MTHFS: variants seen among roughly 807,000 people sequenced by gnomAD.
The protein encoded by MTHFS is 5-formyltetrahydrofolate cyclo-ligase.
In MTHFS, 7 loss-of-function variants were observed where a neutral mutation model predicts 12.7. That is an observed-to-expected ratio of 0.55 (90% CI 0.31 to 1.03). The LOEUF (loss-of-function observed/expected upper bound fraction) is 1.03, where lower values mean the gene tolerates loss of function less well. MTHFS is among the 50% of genes least tolerant of loss of function. The pLI is 0.05. For missense variants in MTHFS, 252 were observed against 258.1 expected (o/e 0.98, Z 0.16); for synonymous variants, 100 against 97.1 (o/e 1.03, Z -0.18).
chr15:79,854,334 TG>T (rs2033763897), intron 2 of MTHFS, among the ~76,000 whole-genome samples: 1 of 152,174 alleles, frequency 6.6e-6, no homozygotes, highest in Non-Finnish European at 1.5e-5. Flanking sequence ...GGGGAAGGGC[TG>T]GGGAGGGCAT....
rs34987412 is a variant in MTHFS at position 79,878,861 on chromosome 15, C to CTT, written c.379+10230_379+10231dup. Among the ~76,000 whole-genome samples, 549 of 146,028 alleles carry CTT rather than the reference C, an allele frequency of 3.8e-3. 2 individuals are homozygous for CTT. The highest frequency in any genetic ancestry group is 7.2e-3 in the Middle Eastern group (2 of 278). On this transcript the variant is annotated intron_variant, in intron 2 of 2. Transcript: ENST00000258874. ...AGCCTAGCACAGGAAAGCTTATTCC[C>CTT]TTTTTTTTTTTCTTTCTTTCTTTAA...
At chr15:79,851,261 T>C (rs2033712584) in intron 2 of MTHFS, among the ~76,000 whole-genome samples, 1 of 152,232 alleles carries the variant, frequency 6.6e-6, no homozygotes. Context: ...ACTGTAAGAA[T>C]GCCTGTGGTC....
intron 1 of MTHFS, among the ~76,000 whole-genome samples, chr15:79,889,819 G>A (rs755291036): frequency 7.9e-5 from 12 of 152,218 alleles, no homozygotes; most frequent in Non-Finnish European, 1.6e-4. Flanking sequence ...AAAGCCCAAC[G>A]CAAGCCCTAA....
At chr15:79,896,100 G>GAC (rs1250418343) in intron 1 of MTHFS, among the ~76,000 whole-genome samples, 1 of 152,230 alleles carries the variant, frequency 6.6e-6, no homozygotes, top group Non-Finnish European at 1.5e-5. Context: ...TGAAAGTAAT[G>GAC]AAACAGAGGT....
intron 2 of MTHFS, among the ~76,000 whole-genome samples, chr15:79,849,852 T>C (rs748754723): frequency 6.6e-6 from 1 of 152,250 alleles, no homozygotes; most frequent in Non-Finnish European, 1.5e-5. Context: ...AATGTGATCT[T>C]GCATTCCAAA....
chr15:79,895,041 T>C (rs533050262), intron 1 of MTHFS, among the ~76,000 whole-genome samples: 1 of 152,282 alleles, frequency 6.6e-6, no homozygotes, highest in East Asian at 1.9e-4. Context: ...TCTGAATACA[T>C]CCCTTTACAC....
chr15:79,884,361 T>G (rs947491388), intron 2 of MTHFS, among the ~76,000 whole-genome samples: 1 of 152,234 alleles, frequency 6.6e-6, no homozygotes, highest in Non-Finnish European at 1.5e-5. Context: ...TGTTTGGATT[T>G]CATCCAATGT....
At chr15:79,848,057 T>C (rs1401153454) in intron 2 of MTHFS, among the ~76,000 whole-genome samples, 1 of 152,216 alleles carries the variant, frequency 6.6e-6, no homozygotes, top group Non-Finnish European at 1.5e-5. Flanking sequence ...CACTCCCACG[T>C]TCATTGCACC....
intron 1 of MTHFS, among the ~76,000 whole-genome samples, chr15:79,893,859 G>A (rs946590445): frequency 1.3e-5 from 2 of 152,086 alleles, no homozygotes; most frequent in Non-Finnish European, 2.9e-5. Context: ...ACATAAACCT[G>A]AATTTCTTTA....
At chr15:79,897,250 T>C, upstream of MTHFS, 1 of 455,828 alleles carries the variant, frequency 2.2e-6, no homozygotes, top group Non-Finnish European at 3.8e-6. Context: ...CGAGGCGCCG[T>C]CGCTGCCCTG....
intron 2 of MTHFS, among the ~76,000 whole-genome samples, chr15:79,852,504 T>C (rs578088159): frequency 1.2e-4 from 19 of 152,354 alleles, no homozygotes; most frequent in African/African-American, 2.2e-4. Context: ...CTTTCTGCTA[T>C]GAATGGTCAC....
intron 2 of MTHFS, among the ~76,000 whole-genome samples, chr15:79,866,245 G>A (rs1351535527): frequency 6.6e-6 from 1 of 152,080 alleles, no homozygotes; most frequent in Non-Finnish European, 1.5e-5. Flanking sequence ...ATAACTATTT[G>A]AGTTCAACGG....
intron 1 of MTHFS, among the ~76,000 whole-genome samples, chr15:79,890,929 C>A (rs181894607): frequency 6.6e-6 from 1 of 152,196 alleles, no homozygotes; most frequent in African/African-American, 2.4e-5. Flanking sequence ...GCTCTCTTTA[C>A]AGCAGAATAT....
chr15:79,884,503 G>A (rs1395343923), intron 2 of MTHFS, among the ~76,000 whole-genome samples: 1 of 152,012 alleles, frequency 6.6e-6, no homozygotes, highest in Non-Finnish European at 1.5e-5. Flanking sequence ...AATATGGCCA[G>A]GAAACCAATT....
At chr15:79,848,509 C>A (rs770079715) in intron 2 of MTHFS, among the ~76,000 whole-genome samples, 19 of 149,728 alleles carry the variant, frequency 1.3e-4, no homozygotes, top group Admixed American at 1.2e-3. Flanking sequence ...TTATTTACCA[C>A]AATAAAAAAT....
chr15:79,862,829 C>T (rs1373098003), intron 2 of MTHFS, among the ~76,000 whole-genome samples: 1 of 152,170 alleles, frequency 6.6e-6, no homozygotes, highest in Non-Finnish European at 1.5e-5. Flanking sequence ...GCAAATTGAT[C>T]TTGGTCCATC....
At chr15:79,881,269 A>G (rs1356806310) in intron 2 of MTHFS, among the ~76,000 whole-genome samples, 1 of 152,254 alleles carries the variant, frequency 6.6e-6, no homozygotes, top group Non-Finnish European at 1.5e-5. Context: ...GTTCAATAGT[A>G]CATTCAATGA....
intron 2 of MTHFS, among the ~76,000 whole-genome samples, chr15:79,853,341 G>T (rs1372069575): frequency 6.6e-6 from 1 of 152,152 alleles, no homozygotes; most frequent in African/African-American, 2.4e-5. Flanking sequence ...GTCCTGCACA[G>T]CAGTTATCTG....
chr15:79,851,889 G>A (rs554438163), intron 2 of MTHFS, among the ~76,000 whole-genome samples: 1 of 152,290 alleles, frequency 6.6e-6, no homozygotes, highest in South Asian at 2.1e-4. Flanking sequence ...AAGTGTGTAG[G>A]ATTCTAGACA....
Sources: allele counts gnomAD v4.1 joint callset (sites outside exome capture counted in the v4.1 genomes callset), GRCh38; gene constraint gnomAD v4.1.1; transcripts MANE v1.5; gene names NCBI Gene and HGNC (gene_info 2026-07-23, HGNC 2026-07-21).